The following CHCHD3 variants were observed in gnomAD, a reference collection of about 807,000 sequenced individuals.
CHCHD3 encodes MICOS complex subunit MIC19.
A neutral mutation model predicts 38.2 loss-of-function variants in CHCHD3; 20 were observed. The observed-to-expected ratio is 0.52, with a 90% CI of 0.37 to 0.76. CHCHD3 has a LOEUF of 0.76. Ranked by LOEUF, CHCHD3 falls within the 30% of genes least tolerant of loss-of-function variation. The pLI, the probability that CHCHD3 is intolerant of heterozygous loss-of-function variation, is 0.00. For synonymous variants in CHCHD3, 82 were observed against 100.0 expected, an observed-to-expected ratio of 0.82 and a Z score of 1.07; for missense variants, 245 against 279.2, an observed-to-expected ratio of 0.88 and a Z score of 0.87.
chr7:132,984,512 G>C lies in CHCHD3; in HGVS notation c.252-9226C>G, dbSNP rs577838528. Among the ~76,000 whole-genome samples the C allele has an allele frequency of 6.1e-5, 9 of 146,876 alleles. No individual in the cohort carries two copies. In the South Asian group the frequency reaches 1.8e-3, roughly 30 times the overall value. ...CATCTGGGAAGTGAGGAGCGTCTCT[G>C]CCTGGCCGCCCATCGTCTGGGATGT... is the stretch of plus-strand genomic sequence containing the variant. On this transcript the variant is annotated intron_variant, in intron 3 of 7. Coordinates refer to ENST00000262570, the MANE Select transcript of CHCHD3 (RefSeq NM_017812.4).
At chr7:132,842,109 A>C (rs1341178221) in intron 5 of CHCHD3, among the ~76,000 whole-genome samples, 3 of 152,004 alleles carry the variant, frequency 2.0e-5, no homozygotes, top group African/African-American at 7.3e-5. Flanking sequence ...AGAAAAAAAA[A>C]AATTTTTTTT....
chr7:133,065,586 A>T (rs1265367689), intron 2 of CHCHD3, among the ~76,000 whole-genome samples: 2 of 152,330 alleles, frequency 1.3e-5, no homozygotes, highest in South Asian at 2.1e-4. Flanking sequence ...TATATAATTT[A>T]CTTCACACTG....
intron 3 of CHCHD3, among the ~76,000 whole-genome samples, chr7:133,010,111 GTAA>G (rs1812820517): frequency 6.6e-6 from 1 of 152,204 alleles, no homozygotes; most frequent in Admixed American, 6.5e-5. Context: ...CGGGCTTGGA[GTAA>G]AAGAGAACTG....
chr7:133,058,976 G>A (rs942887036), intron 2 of CHCHD3, among the ~76,000 whole-genome samples: 1 of 152,128 alleles, frequency 6.6e-6, no homozygotes, highest in Non-Finnish European at 1.5e-5. Context: ...ACACTGGGAG[G>A]ACTGGCCCAA....
chr7:132,831,583 G>C (rs1239619703), intron 6 of CHCHD3, among the ~76,000 whole-genome samples: 1 of 152,130 alleles, frequency 6.6e-6, no homozygotes, highest in African/African-American at 2.4e-5. Flanking sequence ...CAACTTCAGA[G>C]AAACTAGAAA....
At chr7:132,937,316 CAAAA>C (rs1217053682) in intron 4 of CHCHD3, among the ~76,000 whole-genome samples, 1 of 152,116 alleles carries the variant, frequency 6.6e-6, no homozygotes, top group South Asian at 2.1e-4. Context: ...AATAGCAACT[CAAAA>C]AATCCTATTT....
intron 4 of CHCHD3, chr7:132,973,060 T>C (rs1686933579): frequency 1.0e-6 from 1 of 985,434 alleles, no homozygotes; most frequent in Non-Finnish European, 1.2e-6. Context: ...TCTCTTTTTA[T>C]GTCTTGCTGA....
At chr7:132,804,570 G>C (rs1021357652) in intron 6 of CHCHD3, among the ~76,000 whole-genome samples, 1 of 152,116 alleles carries the variant, frequency 6.6e-6, no homozygotes, top group Non-Finnish European at 1.5e-5. Flanking sequence ...TTAATACCAA[G>C]AGAAGTCAAG....
At chr7:132,916,061 G>A (rs1810098337) in intron 4 of CHCHD3, among the ~76,000 whole-genome samples, 1 of 151,734 alleles carries the variant, frequency 6.6e-6, no homozygotes, top group African/African-American at 2.4e-5. Context: ...CCTCCCCACT[G>A]AAGGTAGATT....
intron 4 of CHCHD3, among the ~76,000 whole-genome samples, chr7:132,910,071 T>C (rs1809903972): frequency 6.6e-6 from 1 of 152,186 alleles, no homozygotes; most frequent in South Asian, 2.1e-4. Flanking sequence ...AGATCCAAAA[T>C]ACAGTAGTCA....
chr7:132,892,835 C>A (rs551990468), intron 4 of CHCHD3, among the ~76,000 whole-genome samples: 231 of 152,302 alleles, frequency 1.5e-3, no homozygotes, highest in African/African-American at 5.3e-3. Flanking sequence ...GGCCTGCAGG[C>A]GCACAGAAGT....
At chr7:133,077,822 G>A (rs188533847) in intron 1 of CHCHD3, among the ~76,000 whole-genome samples, 1 of 152,232 alleles carries the variant, frequency 6.6e-6, no homozygotes, top group East Asian at 1.9e-4. Flanking sequence ...GGAATCAGGT[G>A]TAAAAATATA....
chr7:133,065,177 C>A (rs1282241587), intron 2 of CHCHD3, among the ~76,000 whole-genome samples: 1 of 152,094 alleles, frequency 6.6e-6, no homozygotes, highest in African/African-American at 2.4e-5. Context: ...AGCAAGGACA[C>A]AGTTAAGTTA....
At chr7:132,999,060 G>A (rs762240541) in intron 3 of CHCHD3, among the ~76,000 whole-genome samples, 5 of 152,048 alleles carry the variant, frequency 3.3e-5, no homozygotes, top group Non-Finnish European at 7.4e-5. Context: ...GGTTGAGGCC[G>A]CAGTGCACCA....
chr7:132,834,320 A>T (rs1807722489), intron 6 of CHCHD3, among the ~76,000 whole-genome samples: 1 of 152,152 alleles, frequency 6.6e-6, no homozygotes, highest in African/African-American at 2.4e-5. Context: ...CTGCAAATCA[A>T]AATACAACAT....
intron 6 of CHCHD3, among the ~76,000 whole-genome samples, chr7:132,797,060 C>T (rs918234916): frequency 6.6e-6 from 1 of 152,210 alleles, no homozygotes; most frequent in Admixed American, 6.5e-5. Flanking sequence ...TGCCTGCACA[C>T]ACCTTCCAGA....
intron 4 of CHCHD3, among the ~76,000 whole-genome samples, chr7:132,974,717 T>G (rs920050214): frequency 3.3e-5 from 5 of 151,818 alleles, no homozygotes; most frequent in Admixed American, 3.3e-4. Context: ...CTACTATAAA[T>G]ACAAAAATTA....
At chr7:132,898,015 G>C (rs533618113) in intron 4 of CHCHD3, among the ~76,000 whole-genome samples, 1 of 152,038 alleles carries the variant, frequency 6.6e-6, no homozygotes, top group Non-Finnish European at 1.5e-5. Flanking sequence ...AGACCTTCGC[G>C]GTGAGTGTTA....
At chr7:132,929,617 A>C (rs1395721913) in intron 4 of CHCHD3, among the ~76,000 whole-genome samples, 1 of 152,086 alleles carries the variant, frequency 6.6e-6, no homozygotes, top group Non-Finnish European at 1.5e-5. Flanking sequence ...TCCTGAAGGG[A>C]CCTCAAACAC....
Sources: allele counts gnomAD v4.1 joint callset (sites outside exome capture counted in the v4.1 genomes callset), GRCh38; gene constraint gnomAD v4.1.1; transcripts MANE v1.5; gene names NCBI Gene and HGNC (gene_info 2026-07-23, HGNC 2026-07-21).